ZNF407: variants seen among roughly 807,000 people sequenced by gnomAD.
The protein encoded by ZNF407 is zinc finger protein 407.
ZNF407 carries 17 observed loss-of-function variants against 131.2 expected under a neutral mutation model. The ratio of observed to expected loss-of-function variants is 0.13; its 90% confidence interval spans 0.09 to 0.19. The LOEUF is 0.19. ZNF407 is among the 10% of genes least tolerant of loss of function. The pLI, the probability that ZNF407 is intolerant of heterozygous loss-of-function variation, is 1.00. For missense variants in ZNF407, 2,681 were observed against 2,830.6 expected, an observed-to-expected ratio of 0.95 and a Z score of 1.20; for synonymous variants, 1,156 against 1,062.0, an observed-to-expected ratio of 1.09 and a Z score of -1.72.
At chr18:75,020,244 GTGTGTA>G (rs1449932833) in intron 8 of ZNF407, among the ~76,000 whole-genome samples, 1 of 151,896 alleles carries the variant, frequency 6.6e-6, no homozygotes, top group African/African-American at 2.4e-5. Context: ...AAAGCATATA[GTGTGTA>G]TGTGTATGTA....
In ZNF407 at chr18:74,910,251, G is replaced by A. The variant is rs558628172; in HGVS notation, c.5250-10263G>A. Among the ~76,000 whole-genome samples, 19 of 152,232 alleles carry A rather than the reference G, an allele frequency of 1.2e-4. No individual in the cohort carries two copies. The East Asian group carries it at 3.7e-3, about 29-fold the overall frequency. ...AAGAGTTTGAATAGTTTATAAACAT[G>A]AGTTGTAAAAGCAGTAGTTCCAAAG... On this transcript the variant is annotated intron_variant, in intron 7 of 8. Transcript: ENST00000299687.
Position 74,981,287 on chromosome 18 carries a change from G to A in ZNF407, c.5428+60595G>A, listed in dbSNP as rs137962126. On this transcript the variant is annotated intron_variant, in intron 8 of 8. Coordinates refer to ENST00000299687, the MANE Select transcript of ZNF407 (RefSeq NM_017757.3). ...CAGCGGTTACATGCCACAGGTGTCC[G>A]CAGTGCCCTGGGCAGCCGGAAAGTG... is the stretch of plus-strand genomic sequence containing the variant. Among the ~76,000 whole-genome samples, 667 of 152,332 alleles carry A rather than the reference G, an allele frequency of 4.4e-3. 5 individuals carry two copies. The highest frequency in any genetic ancestry group is 0.015 in the African/African-American group (612 of 41,570).
chr18:74,779,088 CAT>C (rs1555687129), intron 3 of ZNF407, among the ~76,000 whole-genome samples: 7 of 19,226 alleles, frequency 3.6e-4, no homozygotes, highest in African/African-American at 6.0e-4. Context: ...TCATGCTTGG[CAT>C]ATATATATAT....
At chr18:74,852,676 G>T (rs900551513) in intron 4 of ZNF407, among the ~76,000 whole-genome samples, 1 of 152,030 alleles carries the variant, frequency 6.6e-6, no homozygotes, top group Non-Finnish European at 1.5e-5. Context: ...TCAACAGAAG[G>T]GGGCAAAAGA....
intron 3 of ZNF407, among the ~76,000 whole-genome samples, chr18:74,744,327 A>G (rs78731872): frequency 3.3e-5 from 5 of 152,208 alleles, no homozygotes; most frequent in South Asian, 2.1e-4. Context: ...TTGATGGCTT[A>G]TGACCTTTGA....
At chr18:74,834,513 A>G (rs189021359) in intron 4 of ZNF407, among the ~76,000 whole-genome samples, 2 of 152,310 alleles carry the variant, frequency 1.3e-5, no homozygotes, top group East Asian at 3.9e-4. Flanking sequence ...AGCATTTCTA[A>G]TGATCTAGAA....
At chr18:74,921,917 C>T (rs146417343) in intron 8 of ZNF407, among the ~76,000 whole-genome samples, 1 of 152,218 alleles carries the variant, frequency 6.6e-6, no homozygotes, top group African/African-American at 2.4e-5. Context: ...TTAAGTTAGA[C>T]TAGTTTTCTT....
chr18:74,734,127 C>T (rs1002995262), intron 3 of ZNF407, among the ~76,000 whole-genome samples: 5 of 152,124 alleles, frequency 3.3e-5, no homozygotes, highest in Admixed American at 6.5e-5. Context: ...ACAAGTCGTA[C>T]GTGTTCGACG....
intron 8 of ZNF407, among the ~76,000 whole-genome samples, chr18:75,032,794 A>C (rs11873292): frequency 7.1e-6 from 1 of 140,802 alleles, no homozygotes; most frequent in Admixed American, 7.2e-5. Context: ...GTATTAGATA[A>C]CTAAGACTGC....
intron 1 of ZNF407, among the ~76,000 whole-genome samples, chr18:74,609,392 A>G (rs944318339): frequency 1.3e-5 from 2 of 152,254 alleles, no homozygotes; most frequent in Non-Finnish European, 2.9e-5. Context: ...CTCCTAGGCA[A>G]CAAACCCATA....
At chr18:74,831,188 AG>A (rs1282943554) in intron 4 of ZNF407, among the ~76,000 whole-genome samples, 1 of 152,206 alleles carries the variant, frequency 6.6e-6, no homozygotes, top group East Asian at 1.9e-4. Flanking sequence ...TTGGACACCT[AG>A]GTTGACTGCA....
chr18:74,934,576 A>C (rs576650433), intron 8 of ZNF407, among the ~76,000 whole-genome samples: 1 of 152,246 alleles, frequency 6.6e-6, no homozygotes, highest in Non-Finnish European at 1.5e-5. Context: ...AGGGAGGCCA[A>C]GGCGGGTGGA....
rs151098912 is a variant in ZNF407, at chr18:75,029,544, G to A, written c.5429-33606G>A. Among the ~76,000 whole-genome samples the A allele has an allele frequency of 4.5e-4, 68 of 152,272 alleles. 2 individuals carry two copies. In the East Asian group the frequency reaches 0.011, roughly 25 times the overall value. The stretch of plus-strand genomic sequence containing the variant: ...CCCTGGGCATGGGATGCGGGAGCAC[G>A]CTCACCACCTTCATTCAGGGCGGAG... On this transcript the variant is annotated intron_variant, in intron 8 of 8. Transcript: ENST00000299687.
chr18:74,674,455 C>T (rs187843069), intron 3 of ZNF407, among the ~76,000 whole-genome samples: 1 of 152,160 alleles, frequency 6.6e-6, no homozygotes, highest in African/African-American at 2.4e-5. Flanking sequence ...ACCAAATTCT[C>T]TGTTATCAAG....
At chr18:74,608,464 G>A (rs1026581859) in intron 1 of ZNF407, among the ~76,000 whole-genome samples, 2 of 151,364 alleles carry the variant, frequency 1.3e-5, no homozygotes, top group African/African-American at 2.4e-5. Flanking sequence ...CTTCTGCCTC[G>A]GCCTCCTGAG....
chr18:74,601,984 A>T (rs918777520), intron 1 of ZNF407, among the ~76,000 whole-genome samples: 2 of 152,260 alleles, frequency 1.3e-5, no homozygotes, highest in Non-Finnish European at 1.5e-5. Context: ...CTACATATGT[A>T]TCTTGCTTGC....
At chr18:74,998,251 C>G (rs1672636598) in intron 8 of ZNF407, among the ~76,000 whole-genome samples, 1 of 152,184 alleles carries the variant, frequency 6.6e-6, no homozygotes, top group Admixed American at 6.5e-5. Flanking sequence ...GTTTACTCAG[C>G]TTAGCTCAGT....
intron 3 of ZNF407, among the ~76,000 whole-genome samples, chr18:74,728,285 A>G (rs538406557): frequency 2.0e-4 from 30 of 152,208 alleles, no homozygotes; most frequent in Non-Finnish European, 3.8e-4. Flanking sequence ...TTCAAAGTGA[A>G]TAATTCAGAG....
intron 4 of ZNF407, among the ~76,000 whole-genome samples, chr18:74,782,402 T>G (rs1969620337): frequency 6.6e-6 from 1 of 152,224 alleles, no homozygotes; most frequent in Non-Finnish European, 1.5e-5. Flanking sequence ...ATTTTCTCTG[T>G]TAATGGGAAT....
Sources: gnomAD v4.1 joint callset for allele counts (sites outside exome capture counted in the v4.1 genomes callset) on GRCh38, gnomAD v4.1.1 for gene constraint, MANE v1.5 for transcripts, NCBI Gene and HGNC (gene_info 2026-07-23, HGNC 2026-07-21) for gene names.